LMO7: variants seen among roughly 807,000 people sequenced by gnomAD.
LMO7 encodes LIM domain only protein 7.
A neutral mutation model predicts 206.5 loss-of-function variants in LMO7; 120 were observed. The observed-to-expected ratio is 0.58, with a 90% CI of 0.50 to 0.68. LMO7 has a LOEUF of 0.68. Ranked by LOEUF, LMO7 falls within the 30% of genes least tolerant of loss-of-function variation. The pLI is 0.00. For missense variants in LMO7, 1,959 were observed against 1,957.9 expected, an observed-to-expected ratio of 1.00 and a Z score of -0.01; for synonymous variants, 706 against 681.5, an observed-to-expected ratio of 1.04 and a Z score of -0.56.
chr13:75,816,396 C>T (rs1037066438), intron 11 of LMO7, among the ~76,000 whole-genome samples: 3 of 152,226 alleles, frequency 2.0e-5, no homozygotes, highest in African/African-American at 7.2e-5. Context: ...TCTCTTTCCC[C>T]TCTGGTATAG....
At chr13:75,772,056 C>G (rs1231414124) in intron 4 of LMO7, among the ~76,000 whole-genome samples, 1 of 151,990 alleles carries the variant, frequency 6.6e-6, no homozygotes, top group Non-Finnish European at 1.5e-5. Flanking sequence ...AATAGTGACT[C>G]AGAAAAGCAA....
intron 4 of LMO7, among the ~76,000 whole-genome samples, chr13:75,792,436 A>G (rs1023000085): frequency 6.6e-6 from 1 of 152,218 alleles, no homozygotes; most frequent in African/African-American, 2.4e-5. Flanking sequence ...CAGGCACTTA[A>G]ACATGGTATC....
chr13:75,711,659 A>G (rs974535255), intron 1 of LMO7, among the ~76,000 whole-genome samples: 4 of 152,050 alleles, frequency 2.6e-5, no homozygotes, highest in African/African-American at 9.7e-5. Flanking sequence ...GGAAGCCAGT[A>G]CCTCAGTCGG....
chr13:75,726,216 T>C (rs896919601), intron 2 of LMO7, among the ~76,000 whole-genome samples: 15 of 152,050 alleles, frequency 9.9e-5, no homozygotes, highest in African/African-American at 3.6e-4. Context: ...TTTTATAGTA[T>C]TAAATTTCTA....
At chr13:75,732,091 C>T (rs1242302882) in intron 3 of LMO7, among the ~76,000 whole-genome samples, 20 of 152,024 alleles carry the variant, frequency 1.3e-4, no homozygotes, top group Admixed American at 5.2e-4. Context: ...GTGAATCTGA[C>T]AATTATGTGT....
intron 16 of LMO7, among the ~76,000 whole-genome samples, chr13:75,833,722 T>C (rs145281279): frequency 6.6e-6 from 1 of 151,738 alleles, no homozygotes; most frequent in African/African-American, 2.4e-5. Flanking sequence ...TATTTTTTAG[T>C]TTTTTTTACA....
intron 1 of LMO7, among the ~76,000 whole-genome samples, chr13:75,698,546 C>G (rs2042052775): frequency 6.6e-6 from 1 of 151,668 alleles, no homozygotes; most frequent in Non-Finnish European, 1.5e-5. Flanking sequence ...TACTTGGCCT[C>G]CCAAAGTGCT....
chr13:75,658,327 A>AT (rs202029797), intron 1 of LMO7, among the ~76,000 whole-genome samples: 3,830 of 151,860 alleles, frequency 0.025, 83 homozygotes, highest in Admixed American at 0.035. Context: ...TTTAGAATTA[A>AT]TTTTTTTTCA....
chr13:75,665,277 C>A (rs1179058523), intron 1 of LMO7, among the ~76,000 whole-genome samples: 1 of 151,990 alleles, frequency 6.6e-6, no homozygotes, highest in Non-Finnish European at 1.5e-5. Context: ...CAGAACAAAT[C>A]TGCTCTAATA....
intron 26 of LMO7, 164 bp from the exon 27 acceptor site, chr13:75,848,915 C>T (rs74979551): frequency 3.1e-4 from 182 of 584,404 alleles, no homozygotes; most frequent in African/African-American, 3.0e-3. Context: ...TTCACACCAA[C>T]GTCTATTATT....
At chr13:75,817,395 T>C (rs1245285910) in intron 12 of LMO7, 117 bp downstream of exon 12, 1 of 568,726 alleles carries the variant, frequency 1.8e-6, no homozygotes, top group African/African-American at 1.9e-5. Flanking sequence ...CAGTTCTGTA[T>C]AAAATGTGAC....
chr13:75,736,341 C>T (rs1020401507), intron 3 of LMO7, among the ~76,000 whole-genome samples: 4 of 152,218 alleles, frequency 2.6e-5, no homozygotes, highest in Admixed American at 2.0e-4. Flanking sequence ...CCTCACTTGA[C>T]TCCTTCTGAT....
chr13:75,811,208 C>CTTTTTTTTTTTTTTTTTTT, intron 11 of LMO7, among the ~76,000 whole-genome samples: 1 of 130,704 alleles, frequency 7.7e-6, no homozygotes, highest in Non-Finnish European at 1.6e-5. Context: ...TTTTCTTTCT[C>CTTTTTTTTTTTTTTTTTTT]TTTTTTTTTT....
upstream of LMO7, among the ~76,000 whole-genome samples, chr13:75,635,617 G>C (rs942424181): frequency 1.6e-4 from 25 of 152,298 alleles, no homozygotes; most frequent in Admixed American, 4.6e-4. Context: ...GGAATGCAAG[G>C]AACCCTCCAG....
chr13:75,745,767 T>C (rs34258592), intron 3 of LMO7, among the ~76,000 whole-genome samples: 3,635 of 152,310 alleles, frequency 0.024, 84 homozygotes, highest in Non-Finnish European at 0.041. Context: ...TCTGCCTGAC[T>C]GCTGGAGTTT....
intron 13 of LMO7, 64 bp downstream of exon 13, chr13:75,819,599 T>C: frequency 1.4e-6 from 2 of 1,408,622 alleles, no homozygotes; most frequent in Non-Finnish European, 1.9e-6. Flanking sequence ...TAAATAGATA[T>C]TTTATGTAAG....
intron 4 of LMO7, among the ~76,000 whole-genome samples, chr13:75,792,486 T>G (rs17065046): frequency 0.039 from 5,916 of 152,316 alleles, 137 homozygotes; most frequent in Non-Finnish European, 0.053. Context: ...GTGGAAAAAT[T>G]ATCCAACTTT....
chr13:75,708,564 GC>G (rs2042826514), intron 1 of LMO7, among the ~76,000 whole-genome samples: 1 of 152,172 alleles, frequency 6.6e-6, no homozygotes, highest in South Asian at 2.1e-4. Flanking sequence ...CCTATTTCAT[GC>G]TTTTTGGCTA....
intron 1 of LMO7, among the ~76,000 whole-genome samples, chr13:75,686,260 A>G (rs1408759628): frequency 1.3e-5 from 2 of 152,182 alleles, no homozygotes; most frequent in East Asian, 3.9e-4. Flanking sequence ...GCTCACAATC[A>G]TGGTGGAAGG....
Sources: allele counts gnomAD v4.1 joint callset (sites outside exome capture counted in the v4.1 genomes callset), GRCh38; gene constraint gnomAD v4.1.1; transcripts MANE v1.5; gene names NCBI Gene and HGNC (gene_info 2026-07-23, HGNC 2026-07-21).